The following KCTD19 variants were observed in gnomAD, a reference collection of about 807,000 sequenced individuals.
The protein encoded by KCTD19 is potassium channel tetramerization domain containing 19.
In KCTD19, 67 loss-of-function variants were observed where a neutral mutation model predicts 103.5. The observed-to-expected ratio is 0.65, with a 90% CI of 0.53 to 0.79. The LOEUF (loss-of-function observed/expected upper bound fraction) is 0.79, where lower values mean the gene tolerates loss of function less well. Ranked by LOEUF, KCTD19 falls within the 30% of genes least tolerant of loss-of-function variation. The pLI is 0.00. For missense variants in KCTD19, 980 were observed against 1,136.1 expected (o/e 0.86, Z 1.98); for synonymous variants, 439 against 452.2 (o/e 0.97, Z 0.37).
At chr16:67,291,202 A>G (rs2036688132) in intron 14 of KCTD19, 107 bp downstream of exon 14, 1 of 1,394,502 alleles carries the variant, frequency 7.2e-7, no homozygotes, top group Admixed American at 2.1e-5. Context: ...CTTCTCCTTA[A>G]CCCCATCTTG....
intron 2 of KCTD19, among the ~76,000 whole-genome samples, chr16:67,315,476 TTG>T (rs1455699481): frequency 6.6e-6 from 1 of 151,840 alleles, no homozygotes; most frequent in Non-Finnish European, 1.5e-5. Flanking sequence ...CAGCTAATTT[TTG>T]TGTTTTTTTG....
At chr16:67,316,826 G>A (rs1417081481) in intron 2 of KCTD19, among the ~76,000 whole-genome samples, 1 of 152,104 alleles carries the variant, frequency 6.6e-6, no homozygotes, top group Non-Finnish European at 1.5e-5. Context: ...ACAGGCTAGA[G>A]GTGGGGGTTG....
rs1299967194 is a variant in KCTD19 at position 67,320,762 on chromosome 16, C to A, written c.127G>T (p.Ala43Ser). The A allele has an allele frequency of 6.2e-7, 1 of 1,614,052 alleles. No homozygotes were observed. Among genetic ancestry groups the A allele is most frequent in the Non-Finnish European group, 8.5e-7 (1 of 1,180,030 alleles). The stretch of plus-strand genomic sequence containing the variant: ...CTTTCTGAAGAGGTCAAGGCTGAAG[C>A]CTCTTTCCACAGCAGGGAGTCTGGA... Reference protein sequence around the residue: ...QFPDSLLWKEASALTSSESQR... With the variant: ...QFPDSLLWKESSALTSSESQR... Residue 43 changes from alanine (A) to serine (S), a missense_variant, in exon 2 of 16, where the codon GCT becomes TCT. Coordinates refer to ENST00000304372, the MANE Select transcript of KCTD19 (RefSeq NM_001100915.3). The surrounding 1 kb of genome is among the most constrained non-coding windows in gnomAD (Gnocchi z 4.0).
Position 67,293,241 on chromosome 16 carries a change from C to G in KCTD19, c.2218+303G>C, listed in dbSNP as rs1264913846. Among the ~76,000 whole-genome samples, 1 of 152,192 alleles carries G rather than the reference C, an allele frequency of 6.6e-6. No individual in the cohort carries two copies. The highest frequency in any genetic ancestry group is 2.4e-5 in the African/African-American group (1 of 41,444). On this transcript the variant is annotated intron_variant, in intron 12 of 15. Transcript: ENST00000304372. The surrounding 1 kb of genome is among the most constrained non-coding windows in gnomAD (Gnocchi z 4.0). ...CAGCTAGACCCATGCCCTGCGCTTC[C>G]AAACATCCTGGACTTCTCCTTCCTT... is the stretch of plus-strand genomic sequence containing the variant.
intron 6 of KCTD19, 135 bp from the exon 7 acceptor site, chr16:67,297,798 G>T: frequency 1.2e-6 from 1 of 807,378 alleles, no homozygotes; most frequent in Non-Finnish European, 1.9e-6. Context: ...TCGTTTCCTT[G>T]TATTTTTTTT....
chr16:67,324,507 T>C (rs1456834886), intron 1 of KCTD19, among the ~76,000 whole-genome samples: 1 of 152,186 alleles, frequency 6.6e-6, no homozygotes, highest in Non-Finnish European at 1.5e-5. Context: ...AAAACAAATA[T>C]GAGCAAAATG....
rs911205621 is a variant in KCTD19, at chr16:67,308,821, A to G, written c.301-4250T>C. Among the ~76,000 whole-genome samples, 8 of 152,110 alleles carry G rather than the reference A, an allele frequency of 5.3e-5. No homozygotes were observed. In the South Asian group the frequency reaches 8.3e-4, roughly 16 times the overall value. ...TTTTGTGTTCTAGAACCTAGCATGCATATGAAAGAATGCATGAAAATGGAG... is the reference window on the plus strand; with the variant it reads ...TTTTGTGTTCTAGAACCTAGCATGCGTATGAAAGAATGCATGAAAATGGAG... On this transcript the variant is annotated intron_variant, in intron 2 of 15. Coordinates refer to ENST00000304372, the MANE Select transcript of KCTD19 (RefSeq NM_001100915.3).
chr16:67,303,113 C>CGGG lies in KCTD19; in HGVS notation c.643+32_643+33insCCC. On this transcript the variant is annotated intron_variant, in intron 4 of 15. Transcript: ENST00000304372. This position sits in a 1 kb window ranked among gnomAD's most constrained non-coding sequence, Gnocchi z 4.3. ...GAGGGGTGAATGGGCCCTATCAGCC[C>CGGG]GCCCCCCACCCCACCCCGGACAGAG... The CGGG allele has an allele frequency of 2.3e-6, 1 of 442,702 alleles. No homozygotes were observed. Among genetic ancestry groups the CGGG allele is most frequent in the Non-Finnish European group, 4.4e-6 (1 of 228,046 alleles). The allele number at this position is 442,702 out of a possible 1,614,324, so 27.4% of individuals were successfully genotyped here. A position where few individuals can be genotyped will look rare whatever the true frequency, so the allele number is the denominator to read the frequency against.
chr16:67,299,677 G>T, intron 5 of KCTD19, 104 bp from the exon 6 acceptor site: 1 of 883,002 alleles, frequency 1.1e-6, no homozygotes, highest in Non-Finnish European at 1.8e-6. Context: ...TACCGAGGAG[G>T]CTCAGAGGAA....
At chr16:67,291,050 A>G (rs2036684921) in intron 14 of KCTD19, 64 bp from the exon 15 acceptor site, 1 of 1,540,942 alleles carries the variant, frequency 6.5e-7, no homozygotes, top group South Asian at 1.2e-5. Context: ...AGTGAGATGC[A>G]GAGCGGGGAC....
rs186741875 is a variant in KCTD19 at position 67,304,695 on chromosome 16, G to A, written c.301-124C>T. 1.5e-4 allele frequency: 119 copies of A among 802,238 alleles called. 1 individual carries two copies. Among genetic ancestry groups the A allele is most frequent in the Middle Eastern group, 3.8e-4 (1 of 2,618 alleles). The allele number at this position is 802,238 out of a possible 1,614,324, so 49.7% of individuals were successfully genotyped here. On this transcript the variant is annotated intron_variant, in intron 2 of 15. Coordinates refer to ENST00000304372, the MANE Select transcript of KCTD19 (RefSeq NM_001100915.3). The stretch of plus-strand genomic sequence containing the variant: ...TTTTTTTTTTTTGAGACAGAGTCTC[G>A]TTTTGTTGCCCAGGCTGGAGTGCAG...
rs773095929 is a variant in KCTD19 at position 67,304,447 on chromosome 16, A to T, written c.425T>A (p.Phe142Tyr). Reference protein sequence around the residue: ...TWKCISKPSEFPIKSPAFTGL... With the variant: ...TWKCISKPSEYPIKSPAFTGL... ...TGTAAAGGCTGGGCTTTTAATTGGA[A>T]ATTCTGAGGGTTTGCTAATACACTT... Residue 142 changes from phenylalanine to tyrosine, a missense_variant, in exon 3 of 16, where the codon TTT becomes TAT. By Grantham distance (22) the Phe-to-Tyr change is conservative. Transcript: ENST00000304372. The T allele has an allele frequency of 1.9e-6, 3 of 1,613,944 alleles. No homozygotes were observed. The highest frequency in any genetic ancestry group is 2.5e-6 in the Non-Finnish European group (3 of 1,179,912).
chr16:67,311,001 G>A (rs1417913928), intron 2 of KCTD19, among the ~76,000 whole-genome samples: 1 of 152,182 alleles, frequency 6.6e-6, no homozygotes, highest in African/African-American at 2.4e-5. Context: ...TTCACTGTGG[G>A]CTCCAGTCAC....
At chr16:67,321,305 ACAATT>A (rs2037070584) in intron 1 of KCTD19, among the ~76,000 whole-genome samples, 1 of 152,264 alleles carries the variant, frequency 6.6e-6, no homozygotes, top group Admixed American at 6.5e-5. Flanking sequence ...AATTAAGAAA[ACAATT>A]CAATTCCATT....
intron 1 of KCTD19, 79 bp downstream of exon 1, chr16:67,326,626 T>C (rs765647888): frequency 6.5e-7 from 1 of 1,535,500 alleles, no homozygotes; most frequent in Admixed American, 1.9e-5. Context: ...TCGAACCACT[T>C]AGCCCCAATC....
rs973281706 is a variant in KCTD19 at position 67,300,074 on chromosome 16, A to G, written c.776-501T>C. 1 of 159,774 alleles carries G rather than the reference A, an allele frequency of 6.3e-6. No individual in the cohort carries two copies. Among genetic ancestry groups the G allele is most frequent in the African/African-American group, 2.4e-5 (1 of 41,472 alleles). The allele number at this position is 159,774 out of a possible 1,614,324, so 9.9% of individuals were successfully genotyped here. A position where few individuals can be genotyped will look rare whatever the true frequency, so the allele number is the denominator to read the frequency against. ...GGGTATTTGGGTTGCTGGTTTATGG[A>G]TGGGACCTTTTTCTCCTATAGTGGG... On this transcript the variant is annotated intron_variant, in intron 5 of 15. Transcript: ENST00000304372. This position sits in a 1 kb window ranked among gnomAD's most constrained non-coding sequence, Gnocchi z 4.5.
chr16:67,324,481 T>C (rs2037108725), intron 1 of KCTD19, among the ~76,000 whole-genome samples: 1 of 152,250 alleles, frequency 6.6e-6, no homozygotes, highest in Non-Finnish European at 1.5e-5. Context: ...ATAGGATTGC[T>C]AGATGGACAT....
At chr16:67,298,155 G>A (rs1362224549) in intron 6 of KCTD19, among the ~76,000 whole-genome samples, 2 of 151,814 alleles carry the variant, frequency 1.3e-5, no homozygotes, top group Non-Finnish European at 2.9e-5. Flanking sequence ...CACCATGCCC[G>A]GCTAATTTTT....
rs778195475 is a variant in KCTD19 at position 67,293,528 on chromosome 16, G to A, written c.2218+16C>T. On this transcript the variant is annotated intron_variant, in intron 12 of 15. Coordinates refer to ENST00000304372, the MANE Select transcript of KCTD19 (RefSeq NM_001100915.3). The surrounding 1 kb of genome is among the most constrained non-coding windows in gnomAD (Gnocchi z 4.0). ...TGTTGTGAATAAGACTTAGATCAAA[G>A]GGGGACAGGACTCACCTCTCTCCTT... 2 of 1,607,970 alleles carry A rather than the reference G, an allele frequency of 1.2e-6. No individual in the cohort carries two copies. Among genetic ancestry groups the A allele is most frequent in the East Asian group, 4.5e-5 (2 of 44,744 alleles).
Sources: allele counts gnomAD v4.1 joint callset (sites outside exome capture counted in the v4.1 genomes callset), GRCh38; gene constraint gnomAD v4.1.1; non-coding constraint Gnocchi (gnomAD v3.1); transcripts MANE v1.5; gene names NCBI Gene and HGNC (gene_info 2026-07-23, HGNC 2026-07-21).